The following NRP1 variants were observed in gnomAD, a reference collection of about 807,000 sequenced individuals.
NRP1 encodes neuropilin 1.
Under a neutral mutation model 106.7 loss-of-function variants are expected in NRP1, and 35 were observed. The observed-to-expected ratio is 0.33, with a 90% CI of 0.25 to 0.43. The LOEUF (loss-of-function observed/expected upper bound fraction) is 0.43. NRP1 is among the 20% of genes least tolerant of loss of function. The probability of loss-of-function intolerance (pLI) is 1.00; values close to 1 mark genes in which losing one functional copy is unlikely to be tolerated. For synonymous variants in NRP1, 437 were observed against 417.9 expected, an observed-to-expected ratio of 1.05 and a Z score of -0.56; for missense variants, 1,024 against 1,170.4, an observed-to-expected ratio of 0.87 and a Z score of 1.83.
intron 3 of NRP1, among the ~76,000 whole-genome samples, chr10:33,270,206 C>T (rs1213524414): frequency 6.6e-6 from 1 of 151,866 alleles, no homozygotes; most frequent in African/African-American, 2.4e-5. Context: ...GGTAATTTAC[C>T]TTTATTTAAA....
intron 5 of NRP1, among the ~76,000 whole-genome samples, chr10:33,254,486 AGTGT>A (rs770374016): frequency 1.1e-4 from 17 of 152,222 alleles, no homozygotes; most frequent in Non-Finnish European, 1.6e-4. Flanking sequence ...TTCACAGTTG[AGTGT>A]GTGTGTTTGT....
chr10:33,196,685 A>G (rs1003827499), intron 12 of NRP1, among the ~76,000 whole-genome samples: 1 of 152,208 alleles, frequency 6.6e-6, no homozygotes, highest in Non-Finnish European at 1.5e-5. Context: ...AAGTTTGACC[A>G]AAGAGAAGTT....
intron 2 of NRP1, among the ~76,000 whole-genome samples, chr10:33,305,446 A>G (rs768273590): frequency 6.6e-6 from 1 of 152,136 alleles, no homozygotes; most frequent in African/African-American, 2.4e-5. Context: ...CAAACACCAG[A>G]TCGTGATTAT....
Position 33,283,753 on chromosome 10 carries a change from A to G in NRP1, c.249-12897T>C, listed in dbSNP as rs1181655140. On this transcript the variant is annotated intron_variant, in intron 2 of 16. Coordinates refer to ENST00000374867, the MANE Select transcript of NRP1 (RefSeq NM_003873.7). Reference sequence around the variant, plus strand: ...AATGATCTAGGTAACCTCATGATTTATATGGACCTTAAGGAGTAATTGTGT... The same window carrying G: ...AATGATCTAGGTAACCTCATGATTTGTATGGACCTTAAGGAGTAATTGTGT... 2.0e-5 allele frequency among the ~76,000 whole-genome samples: 3 copies of G among 152,220 alleles called. No homozygotes were observed. The East Asian group carries it at 5.8e-4, about 29-fold the overall frequency.
chr10:33,250,290 C>T (rs1436360261), intron 6 of NRP1, among the ~76,000 whole-genome samples: 2 of 152,132 alleles, frequency 1.3e-5, no homozygotes, highest in African/African-American at 2.4e-5. Flanking sequence ...GCTGGAAACA[C>T]ATGAAATTAT....
chr10:33,304,636 T>A (rs1389490936), intron 2 of NRP1, among the ~76,000 whole-genome samples: 1 of 152,196 alleles, frequency 6.6e-6, no homozygotes, highest in East Asian at 1.9e-4. Flanking sequence ...TCTTTCCTTA[T>A]GTTCTCTGGG....
intron 6 of NRP1, among the ~76,000 whole-genome samples, chr10:33,237,487 G>GCGCGCACA (rs1554788780): frequency 2.8e-5 from 4 of 144,758 alleles, no homozygotes; most frequent in African/African-American, 1.0e-4. Flanking sequence ...ACATGCGCGC[G>GCGCGCACA]CACACACACA....
chr10:33,249,325 G>C (rs930606721), intron 6 of NRP1: 4 of 395,056 alleles, frequency 1.0e-5, no homozygotes, highest in African/African-American at 8.4e-5. Flanking sequence ...GCAGTACACT[G>C]TGTACTTAGT....
In NRP1 at chr10:33,295,836, T is replaced by C. The variant is rs547451513; in HGVS notation, c.249-24980A>G. On this transcript the variant is annotated intron_variant, in intron 2 of 16. Coordinates refer to ENST00000374867, the MANE Select transcript of NRP1 (RefSeq NM_003873.7). Reference sequence around the variant, plus strand: ...ACATAAAAATAAACAGCAAAGGCAATAATGATGGCTAAAAGGGCTGCCTAT... The same window carrying C: ...ACATAAAAATAAACAGCAAAGGCAACAATGATGGCTAAAAGGGCTGCCTAT... 2.6e-5 allele frequency among the ~76,000 whole-genome samples: 4 copies of C among 152,212 alleles called. No individual in the cohort carries two copies. The East Asian group carries it at 5.8e-4, about 22-fold the overall frequency.
intron 3 of NRP1, among the ~76,000 whole-genome samples, chr10:33,264,407 A>G (rs1483522586): frequency 6.6e-6 from 1 of 152,198 alleles, no homozygotes; most frequent in Non-Finnish European, 1.5e-5. Context: ...TACATGTACC[A>G]AGGGTGAGTG....
chr10:33,288,884 A>AG (rs141765857), intron 2 of NRP1, among the ~76,000 whole-genome samples: 1,960 of 152,252 alleles, frequency 0.013, 49 homozygotes, highest in African/African-American at 0.045. Flanking sequence ...AACTGTTTTT[A>AG]GGGGGGTCTT....
intron 4 of NRP1, 122 bp from the exon 5 acceptor site, chr10:33,256,593 G>T (rs755085157): frequency 1.1e-5 from 11 of 1,027,264 alleles, no homozygotes; most frequent in Non-Finnish European, 1.6e-5. Flanking sequence ...CCAAAGCAAG[G>T]CTTCCCTAAG....
Position 33,256,461 on chromosome 10 carries a change from G to GT in NRP1, c.668dup (p.His223GlnfsTer67). The GT allele has an allele frequency of 6.2e-7, 1 of 1,614,090 alleles. No individual in the cohort carries two copies. The highest frequency in any genetic ancestry group is 8.5e-7 in the Non-Finnish European group (1 of 1,179,944). On this transcript the variant is annotated frameshift_variant, in exon 5 of 17. Transcript: ENST00000374867. LOFTEE classifies it high-confidence loss of function. ...TTTTCTGTCCACAGTAACGCCCAAT[G>GT]TGAGGGCCAACTGGAAAGGGAGGAA...
chr10:33,195,228 A>C (rs896061671), intron 12 of NRP1, among the ~76,000 whole-genome samples: 1 of 152,146 alleles, frequency 6.6e-6, no homozygotes, highest in Non-Finnish European at 1.5e-5. Flanking sequence ...TTTCAGTCTA[A>C]ACAAGCAGAG....
chr10:33,208,315 A>C (rs1471949797), intron 9 of NRP1, among the ~76,000 whole-genome samples: 2 of 152,150 alleles, frequency 1.3e-5, no homozygotes, highest in African/African-American at 4.8e-5. Context: ...GGCCTCTCCA[A>C]GTGCTGGGAT....
At chr10:33,217,928 A>G (rs1331929223) in intron 8 of NRP1, among the ~76,000 whole-genome samples, 2 of 152,212 alleles carry the variant, frequency 1.3e-5, no homozygotes, top group Non-Finnish European at 2.9e-5. Context: ...ATATCCAGTT[A>G]ACCAATTTCC....
intron 2 of NRP1, among the ~76,000 whole-genome samples, chr10:33,302,142 GCAA>G (rs2132709789): frequency 1.3e-5 from 2 of 152,232 alleles, no homozygotes; most frequent in East Asian, 3.9e-4. Flanking sequence ...CAACGGAAAC[GCAA>G]CTGAAGGAGA....
chr10:33,200,754 G>A (rs1221868706), intron 11 of NRP1, among the ~76,000 whole-genome samples: 1 of 152,190 alleles, frequency 6.6e-6, no homozygotes, highest in Non-Finnish European at 1.5e-5. Flanking sequence ...GGTTAGGTGA[G>A]GTTTTTGCCT....
At chr10:33,252,859 T>G (rs1841960995) in intron 6 of NRP1, among the ~76,000 whole-genome samples, 1 of 152,216 alleles carries the variant, frequency 6.6e-6, no homozygotes, top group Admixed American at 6.5e-5. Flanking sequence ...GAGTTCAGTC[T>G]CCTGTAATAG....
Sources: allele counts gnomAD v4.1 joint callset (sites outside exome capture counted in the v4.1 genomes callset), GRCh38; gene constraint gnomAD v4.1.1; transcripts MANE v1.5; gene names NCBI Gene and HGNC (gene_info 2026-07-23, HGNC 2026-07-21).